The following ZNF420 variants were observed in gnomAD, a reference collection of about 807,000 sequenced individuals.
ZNF420 encodes ATM and p53-associated KZNF protein.
Under a neutral mutation model 44.7 loss-of-function variants are expected in ZNF420, and 31 were observed. That is an observed-to-expected ratio of 0.69 (90% CI 0.52 to 0.94). ZNF420 has a LOEUF of 0.94. Among genes scored for constraint, ZNF420 ranks in the 40% least tolerant of loss-of-function variants. The probability of loss-of-function intolerance (pLI) is 0.00; values close to 1 mark genes in which losing one functional copy is unlikely to be tolerated. For missense variants in ZNF420, 681 were observed against 827.9 expected (o/e 0.82, Z 2.18); for synonymous variants, 245 against 267.4 (o/e 0.92, Z 0.82).
chr19:37,061,097 T>C (rs1827864844), intron 1 of ZNF420, among the ~76,000 whole-genome samples: 1 of 152,122 alleles, frequency 6.6e-6, no homozygotes, highest in Non-Finnish European at 1.5e-5. Flanking sequence ...GTGCCCCCCT[T>C]CCTCCGGAAC....
intron 1 of ZNF420, among the ~76,000 whole-genome samples, chr19:37,053,090 T>C (rs1967669750): frequency 6.6e-6 from 1 of 152,216 alleles, no homozygotes; most frequent in Admixed American, 6.5e-5. Flanking sequence ...TAAACTTCTC[T>C]TCTCACTTGA....
At chr19:37,032,490 T>G (rs1599605554) in intron 1 of ZNF420, among the ~76,000 whole-genome samples, 10 of 122,690 alleles carry the variant, frequency 8.2e-5, no homozygotes, top group African/African-American at 1.6e-4. Context: ...CGCAGCAGAG[T>G]GAGACTCGGT....
At chr19:37,114,926 T>C (rs2032891044) in intron 4 of ZNF420, 1 of 153,150 alleles carries the variant, frequency 6.5e-6, no homozygotes, top group South Asian at 2.1e-4. Flanking sequence ...CTAGAAACCA[T>C]GGGCAGAATT....
chr19:37,020,147 G>A (rs1449703091), intron 1 of ZNF420, among the ~76,000 whole-genome samples: 1 of 151,378 alleles, frequency 6.6e-6, no homozygotes, highest in African/African-American at 2.4e-5. Context: ...AACCCGGGAG[G>A]CGGAGCTTGC....
In ZNF420 at chr19:37,129,239, C is replaced by A; in HGVS notation, c.*181C>A. 1 of 720,850 alleles carries A rather than the reference C, an allele frequency of 1.4e-6. No homozygotes were observed. The highest frequency in any genetic ancestry group is 2.2e-6 in the Non-Finnish European group (1 of 451,512). 44.7% of individuals were successfully genotyped at this position (720,850 alleles called of 1,614,324 possible). ...ACATCATTACTGGAAACCTATTAAA[C>A]ATTAGCAAATTGGAGAATAGTTTTA... On this transcript the variant is annotated 3_prime_UTR_variant, in exon 5 of 5. Coordinates refer to ENST00000337995, the MANE Select transcript of ZNF420 (RefSeq NM_144689.5).
chr19:37,018,376 T>G (rs1269776546), intron 1 of ZNF420, among the ~76,000 whole-genome samples: 1 of 151,966 alleles, frequency 6.6e-6, no homozygotes, highest in African/African-American at 2.4e-5. Flanking sequence ...GCTGGAAAAA[T>G]CACACTTTCT....
intron 1 of ZNF420, among the ~76,000 whole-genome samples, chr19:37,021,408 C>T (rs971101983): frequency 1.3e-5 from 2 of 152,140 alleles, no homozygotes; most frequent in African/African-American, 4.8e-5. Context: ...GCTAGGATTA[C>T]AGGCATATGC....
intron 2 of ZNF420, among the ~76,000 whole-genome samples, chr19:37,083,905 A>G (rs1204803960): frequency 6.6e-6 from 1 of 152,202 alleles, no homozygotes; most frequent in African/African-American, 2.4e-5. Flanking sequence ...TAGAAGGAGA[A>G]AAAAAATCCT....
intron 4 of ZNF420, among the ~76,000 whole-genome samples, chr19:37,116,540 G>A (rs542119122): frequency 2.6e-5 from 4 of 152,220 alleles, no homozygotes; most frequent in South Asian, 2.1e-4. Context: ...CGCAGAAGAC[G>A]GGTGATTTCT....
At chr19:37,056,276 G>T (rs1358391894) in intron 1 of ZNF420, among the ~76,000 whole-genome samples, 3 of 152,162 alleles carry the variant, frequency 2.0e-5, no homozygotes, top group Admixed American at 6.5e-5. Flanking sequence ...CTCACACACA[G>T]GTTCTCTCCT....
intron 1 of ZNF420, among the ~76,000 whole-genome samples, chr19:37,032,364 G>A (rs1967275728): frequency 6.6e-6 from 1 of 151,888 alleles, no homozygotes. Flanking sequence ...AATTAGCCAG[G>A]CGTGGTTGTG....
At chr19:37,095,412 G>A (rs558740582) in intron 4 of ZNF420, among the ~76,000 whole-genome samples, 2 of 151,942 alleles carry the variant, frequency 1.3e-5, no homozygotes, top group Non-Finnish European at 2.9e-5. Context: ...TTTTAGTTCT[G>A]TTCTTTTTTT....
intron 4 of ZNF420, among the ~76,000 whole-genome samples, chr19:37,097,531 C>T (rs1180910732): frequency 6.6e-6 from 1 of 152,056 alleles, no homozygotes. Flanking sequence ...GGCAGTGTTT[C>T]TAATGTTTAA....
intron 1 of ZNF420, among the ~76,000 whole-genome samples, chr19:37,067,178 ACTTT>A (rs1967981121): frequency 6.6e-6 from 1 of 152,164 alleles, no homozygotes; most frequent in Non-Finnish European, 1.5e-5. Flanking sequence ...GCATGAAGGA[ACTTT>A]CTAGGGTGAT....
At chr19:37,017,301 G>C (rs2074615295) in intron 1 of ZNF420, among the ~76,000 whole-genome samples, 1 of 152,188 alleles carries the variant, frequency 6.6e-6, no homozygotes, top group African/African-American at 2.4e-5. Context: ...CTCTAAATCT[G>C]ATTAGTGTCA....
At chr19:37,012,730 TG>T (rs933149994) in intron 1 of ZNF420, among the ~76,000 whole-genome samples, 1 of 150,742 alleles carries the variant, frequency 6.6e-6, no homozygotes, top group Admixed American at 6.6e-5. Flanking sequence ...AGGGGTTGCC[TG>T]GGGGGGTGTG....
At chr19:37,037,266 C>T (rs188249499) in intron 1 of ZNF420, among the ~76,000 whole-genome samples, 7 of 152,196 alleles carry the variant, frequency 4.6e-5, no homozygotes, top group Non-Finnish European at 7.4e-5. Flanking sequence ...CTGGGTGGGC[C>T]GGGGTACAGT....
At chr19:37,104,836 G>C (rs148709478) in intron 4 of ZNF420, among the ~76,000 whole-genome samples, 34 of 152,162 alleles carry the variant, frequency 2.2e-4, no homozygotes, top group Non-Finnish European at 4.9e-4. Flanking sequence ...ATCCTTTGCC[G>C]ACTTTTTGAT....
chr19:37,010,254 G>A (rs1424405250), intron 1 of ZNF420, among the ~76,000 whole-genome samples: 2 of 152,162 alleles, frequency 1.3e-5, no homozygotes, highest in Non-Finnish European at 2.9e-5. Flanking sequence ...CAGGAGTCGC[G>A]GAGGGCGGAC....
Sources: allele counts gnomAD v4.1 joint callset (sites outside exome capture counted in the v4.1 genomes callset), GRCh38; gene constraint gnomAD v4.1.1; transcripts MANE v1.5; gene names NCBI Gene and HGNC (gene_info 2026-07-23, HGNC 2026-07-21).